The following ERP44 variants were observed in gnomAD, a reference collection of about 807,000 sequenced individuals.
ERP44 encodes endoplasmic reticulum protein 44, also known as endoplasmic reticulum resident protein 44.
ERP44 carries 25 observed loss-of-function variants against 53.4 expected under a neutral mutation model. The ratio of observed to expected loss-of-function variants is 0.47; its 90% CI spans 0.34 to 0.65. The LOEUF (loss-of-function observed/expected upper bound fraction) is 0.65. ERP44 is among the 30% of genes least tolerant of loss of function. ERP44 has a pLI of 0.01. For missense variants in ERP44, 338 were observed against 493.2 expected (o/e 0.69, Z 2.98); for synonymous variants, 145 against 161.2 (o/e 0.90, Z 0.76).
At chr9:99,994,664 A>C (rs1436095554) in intron 10 of ERP44, among the ~76,000 whole-genome samples, 1 of 152,158 alleles carries the variant, frequency 6.6e-6, no homozygotes, top group Non-Finnish European at 1.5e-5. Context: ...TTAAAAAAAA[A>C]ATCTATTACC....
In ERP44 at chr9:99,982,642, A is replaced by G. The variant is rs761053734; in HGVS notation, c.1191T>C (p.Tyr397=). ...GCTCATCTCGATCCCTCAATAGAGT[A>G]TACCTATATTCACTGGGTGCTAGTT... ...FQKLAPSEYR[Y]TLLRDRDEL The change falls in exon 12 of 12, where the codon TAT becomes TAC. Residue 397 remains tyrosine (Y), a synonymous_variant. Coordinates refer to ENST00000262455, the MANE Select transcript of ERP44 (RefSeq NM_015051.3). The G allele has an allele frequency of 1.2e-6, 2 of 1,606,904 alleles. No homozygotes were observed. The highest frequency in any genetic ancestry group is 2.2e-5 in the South Asian group (2 of 89,428).
Position 100,003,644 on chromosome 9 carries a change from T to C in ERP44, c.1016+2862A>G, listed in dbSNP as rs562216205. Among the ~76,000 whole-genome samples, 224 of 151,924 alleles carry C rather than the reference T, an allele frequency of 1.5e-3. 1 individual carries two copies. The highest frequency in any genetic ancestry group is 1.3e-3 in the Non-Finnish European group (85 of 67,948). The stretch of plus-strand genomic sequence containing the variant: ...CACAGGAGTGGACCTGTTGTCTGGT[T>C]CTGTGGAATGGGCCTGCATCTAAGA... On this transcript the variant is annotated intron_variant, in intron 10 of 11. Coordinates refer to ENST00000262455, the MANE Select transcript of ERP44 (RefSeq NM_015051.3).
chr9:100,066,850 C>A (rs768253170), intron 1 of ERP44, among the ~76,000 whole-genome samples: 5 of 152,134 alleles, frequency 3.3e-5, no homozygotes, highest in Admixed American at 2.6e-4. Context: ...CTGACAGGAA[C>A]TATAAGGGCC....
chr9:99,986,995 T>C (rs1183082926), intron 10 of ERP44, among the ~76,000 whole-genome samples: 3 of 152,222 alleles, frequency 2.0e-5, no homozygotes, highest in Admixed American at 6.5e-5. Flanking sequence ...GGGCCAAAGA[T>C]TATCACAACT....
intron 1 of ERP44, among the ~76,000 whole-genome samples, chr9:100,087,985 TA>T (rs1826505374): frequency 6.6e-6 from 1 of 152,138 alleles, no homozygotes; most frequent in African/African-American, 2.4e-5. Flanking sequence ...TCTTTTGGTT[TA>T]ACATTTTAAG....
At chr9:100,064,797 T>G (rs1452722540) in intron 1 of ERP44, among the ~76,000 whole-genome samples, 1 of 152,118 alleles carries the variant, frequency 6.6e-6, no homozygotes, top group African/African-American at 2.4e-5. Flanking sequence ...GTGTGTATTT[T>G]TGTCTTGGTT....
At chr9:100,042,279 A>G (rs1293491024) in intron 4 of ERP44, among the ~76,000 whole-genome samples, 3 of 152,254 alleles carry the variant, frequency 2.0e-5, no homozygotes, top group Admixed American at 1.3e-4. Flanking sequence ...AAATGAAAAC[A>G]TACAAATGGG....
chr9:100,069,353 T>C (rs1403490392), intron 1 of ERP44, among the ~76,000 whole-genome samples: 1 of 152,036 alleles, frequency 6.6e-6, no homozygotes, highest in Non-Finnish European at 1.5e-5. Context: ...CATTTATATG[T>C]ACTGTATATA....
intron 8 of ERP44, among the ~76,000 whole-genome samples, chr9:100,014,127 G>T (rs1250450307): frequency 6.6e-6 from 1 of 152,122 alleles, no homozygotes; most frequent in Non-Finnish European, 1.5e-5. Context: ...GATGGTAAGT[G>T]GGGGTAATAA....
intron 10 of ERP44, among the ~76,000 whole-genome samples, chr9:99,994,702 C>G (rs1379679021): frequency 1.3e-5 from 2 of 152,180 alleles, no homozygotes; most frequent in Non-Finnish European, 2.9e-5. Context: ...TCTAGACTCT[C>G]TCTCTTCCAT....
chr9:100,009,098 A>G (rs1197485938), intron 8 of ERP44, among the ~76,000 whole-genome samples: 1 of 152,096 alleles, frequency 6.6e-6, no homozygotes, highest in African/African-American at 2.4e-5. Context: ...AGGTTGTGCA[A>G]ACATCACCAC....
rs558495042 is a variant in ERP44 at position 100,079,726 on chromosome 9, G to A, written c.57+19058C>T. 2.8e-3 allele frequency among the ~76,000 whole-genome samples: 427 copies of A among 152,140 alleles called. 3 individuals are homozygous for A. Among genetic ancestry groups the A allele is most frequent in the African/African-American group, 9.7e-3 (402 of 41,518 alleles). On this transcript the variant is annotated intron_variant, in intron 1 of 11. Coordinates refer to ENST00000262455, the MANE Select transcript of ERP44 (RefSeq NM_015051.3). Reference sequence around the variant, plus strand: ...AGAGGCAGGAGGATCTTGAGGCCAGGAGTTAGAGACCAGCCTAGTCAGCAC... The same window carrying A: ...AGAGGCAGGAGGATCTTGAGGCCAGAAGTTAGAGACCAGCCTAGTCAGCAC...
At chr9:100,010,469 A>T (rs1830464429) in intron 8 of ERP44, among the ~76,000 whole-genome samples, 1 of 152,242 alleles carries the variant, frequency 6.6e-6, no homozygotes. Context: ...TACCCCTGCA[A>T]GAACTACCAC....
chr9:100,011,645 C>G (rs1461217086), intron 8 of ERP44, among the ~76,000 whole-genome samples: 3 of 152,064 alleles, frequency 2.0e-5, no homozygotes, highest in Non-Finnish European at 4.4e-5. Context: ...CATATTTATT[C>G]AAACCATCTC....
intron 10 of ERP44, among the ~76,000 whole-genome samples, chr9:99,988,975 G>T (rs1341654859): frequency 6.6e-6 from 1 of 152,238 alleles, no homozygotes; most frequent in African/African-American, 2.4e-5. Context: ...TGGCAGCCTG[G>T]CTGGAGGAGG....
intron 3 of ERP44, among the ~76,000 whole-genome samples, chr9:100,054,426 C>A (rs1323329439): frequency 6.6e-6 from 1 of 151,936 alleles, no homozygotes; most frequent in African/African-American, 2.4e-5. Context: ...GGCTTAAGGG[C>A]GACGTAAAAA....
intron 10 of ERP44, among the ~76,000 whole-genome samples, chr9:99,994,552 A>G (rs962659627): frequency 2.0e-5 from 3 of 152,108 alleles, no homozygotes; most frequent in Admixed American, 1.3e-4. Flanking sequence ...ACCTAACGTA[A>G]ATGACGAGTT....
intron 1 of ERP44, 114 bp from the exon 2 acceptor site, chr9:100,060,286 C>T (rs1826131155): frequency 3.6e-6 from 4 of 1,101,082 alleles, no homozygotes; most frequent in Admixed American, 9.1e-5. Context: ...AATTATACAT[C>T]AATTGAATTG....
chr9:100,069,097 C>G (rs1423991005), intron 1 of ERP44, among the ~76,000 whole-genome samples: 2 of 151,908 alleles, frequency 1.3e-5, no homozygotes, highest in Non-Finnish European at 2.9e-5. Flanking sequence ...AGGCAGCATG[C>G]TCCTTAAGAG....
Sources: allele counts gnomAD v4.1 joint callset (sites outside exome capture counted in the v4.1 genomes callset), GRCh38; gene constraint gnomAD v4.1.1; transcripts MANE v1.5; gene names NCBI Gene and HGNC (gene_info 2026-07-23, HGNC 2026-07-21).